SLC16A2: variants seen among roughly 807,000 people sequenced by gnomAD.
The protein encoded by SLC16A2 is solute carrier family 16 member 2, also known as monocarboxylate transporter 8.
SLC16A2 carries 3 observed loss-of-function variants against 27.2 expected under a neutral mutation model. That is an observed-to-expected ratio of 0.11 (90% CI 0.05 to 0.28). The LOEUF is 0.28. SLC16A2 is among the 10% of genes least tolerant of loss of function. SLC16A2 has a pLI of 1.00. For synonymous variants in SLC16A2, 202 were observed against 187.8 expected (o/e 1.08, Z -0.62); for missense variants, 295 against 458.5 (o/e 0.64, Z 3.26).
intron 1 of SLC16A2, among the ~76,000 whole-genome samples, chrX:74,442,373 C>G (rs772059732): frequency 9.0e-6 from 1 of 111,145 alleles, no homozygotes; most frequent in Admixed American, 9.6e-5. Context: ...AATCCAAAAC[C>G]ACTGTTCTTT....
chrX:74,482,944 ATCC>A (rs1929651211), intron 1 of SLC16A2, among the ~76,000 whole-genome samples: 2 of 111,803 alleles, frequency 1.8e-5, no homozygotes, highest in Admixed American at 9.5e-5. Context: ...GACTCAAGTG[ATCC>A]TCTTGCTTTG....
intron 1 of SLC16A2, among the ~76,000 whole-genome samples, chrX:74,472,718 A>T (rs1929380511): frequency 1.0e-5 from 1 of 97,729 alleles, no homozygotes; most frequent in Non-Finnish European, 2.0e-5. Flanking sequence ...AGACTATTAC[A>T]TTTAGCAATC....
chrX:74,475,705 G>C (rs1203798096), intron 1 of SLC16A2, among the ~76,000 whole-genome samples: 88 of 111,563 alleles, frequency 7.9e-4, no homozygotes, highest in Non-Finnish European at 1.2e-3. Flanking sequence ...ATATGGCTAG[G>C]CAGTTTTCCC....
intron 1 of SLC16A2, among the ~76,000 whole-genome samples, chrX:74,439,368 G>A (rs778038654): frequency 2.0e-5 from 2 of 100,188 alleles, no homozygotes; most frequent in Non-Finnish European, 4.0e-5. Context: ...GGAGTGCAGA[G>A]GTGTGATCAT....
At chrX:74,425,177 T>G (rs748576755) in intron 1 of SLC16A2, among the ~76,000 whole-genome samples, 1 of 111,883 alleles carries the variant, frequency 8.9e-6, no homozygotes, top group African/African-American at 3.2e-5. Flanking sequence ...CAGCTCCACA[T>G]CAGAGTGCCT....
At chrX:74,481,033 G>A (rs1460503155) in intron 1 of SLC16A2, among the ~76,000 whole-genome samples, 1 of 112,334 alleles carries the variant, frequency 8.9e-6, no homozygotes, top group Non-Finnish European at 1.9e-5. Flanking sequence ...GTATTACATT[G>A]GTTGATTATC....
At chrX:74,497,712 G>A (rs1343507925) in intron 1 of SLC16A2, among the ~76,000 whole-genome samples, 4 of 110,008 alleles carry the variant, frequency 3.6e-5, no homozygotes, top group African/African-American at 1.3e-4. Flanking sequence ...TGCTGATGCA[G>A]AGGGCCAAAA....
At chrX:74,467,552 C>T (rs892059923) in intron 1 of SLC16A2, among the ~76,000 whole-genome samples, 1 of 111,523 alleles carries the variant, frequency 9.0e-6, no homozygotes, top group African/African-American at 3.3e-5. Context: ...AGCTTGAAGG[C>T]TGTGCACATT....
At chrX:74,510,395 AC>A (rs910057376) in intron 1 of SLC16A2, among the ~76,000 whole-genome samples, 14 of 111,775 alleles carry the variant, frequency 1.3e-4, no homozygotes, top group Middle Eastern at 4.6e-3. Flanking sequence ...AAAAAAAAAA[AC>A]AAAACAAAAC....
intron 1 of SLC16A2, among the ~76,000 whole-genome samples, chrX:74,488,982 AT>A (rs775479320): frequency 2.5e-4 from 28 of 112,007 alleles, no homozygotes; most frequent in Middle Eastern, 4.8e-3. Context: ...CAGATACTTA[AT>A]ATTTATTAAT....
At chrX:74,427,257 G>A (rs1327837007) in intron 1 of SLC16A2, among the ~76,000 whole-genome samples, 2 of 111,998 alleles carry the variant, frequency 1.8e-5, no homozygotes, top group Non-Finnish European at 3.8e-5. Context: ...ATTCCTAAAT[G>A]AGGTTCCCTT....
intron 1 of SLC16A2, among the ~76,000 whole-genome samples, chrX:74,472,614 T>C (rs1452759842): frequency 3.6e-5 from 4 of 111,523 alleles, no homozygotes; most frequent in Non-Finnish European, 7.5e-5. Flanking sequence ...TTGTAGTAGA[T>C]GTGAAATTAG....
At chrX:74,443,233 G>A (rs944758545) in intron 1 of SLC16A2, among the ~76,000 whole-genome samples, 12 of 111,175 alleles carry the variant, frequency 1.1e-4, no homozygotes, top group Admixed American at 1.9e-4. Context: ...AGTATTCACA[G>A]TAGATCCAGG....
At chrX:74,476,711 C>T (rs1169888158) in intron 1 of SLC16A2, among the ~76,000 whole-genome samples, 1 of 111,859 alleles carries the variant, frequency 8.9e-6, no homozygotes, top group Non-Finnish European at 1.9e-5. Context: ...TTGTCAAAGG[C>T]CTTTTCTGCA....
chrX:74,446,153 C>T lies in SLC16A2; in HGVS notation c.430+24086C>T, dbSNP rs372136907. On this transcript the variant is annotated intron_variant, in intron 1 of 5. Coordinates refer to ENST00000587091, the MANE Select transcript of SLC16A2 (RefSeq NM_006517.5). ...CCCCTCCTCTTCCCCTGGGACCAAT[C>T]AGATTTCTGAGCTCCAGGGTAGAGC... is the stretch of plus-strand genomic sequence containing the variant. Among the ~76,000 whole-genome samples the T allele has an allele frequency of 1.3e-4, 14 of 110,859 alleles. No individual in the cohort carries two copies. The East Asian group carries it at 4.0e-3, about 32-fold the overall frequency.
chrX:74,513,757 G>A (rs1248838402), intron 1 of SLC16A2, among the ~76,000 whole-genome samples: 1 of 111,137 alleles, frequency 9.0e-6, no homozygotes, highest in Non-Finnish European at 1.9e-5. Flanking sequence ...TGGAGTTTCT[G>A]ACTTCTCTGA....
chrX:74,452,758 T>A (rs1465797367), intron 1 of SLC16A2, among the ~76,000 whole-genome samples: 1 of 111,169 alleles, frequency 9.0e-6, no homozygotes, highest in Non-Finnish European at 1.9e-5. Context: ...GTCCTCAGCC[T>A]ACAGTTCACT....
intron 1 of SLC16A2, among the ~76,000 whole-genome samples, chrX:74,486,816 CAA>C (rs1230337841): frequency 8.9e-6 from 1 of 111,798 alleles, no homozygotes; most frequent in Non-Finnish European, 1.9e-5. Context: ...TTCACAATAG[CAA>C]AGACTTGGAA....
intron 1 of SLC16A2, among the ~76,000 whole-genome samples, chrX:74,479,274 A>G (rs1929561186): frequency 8.9e-6 from 1 of 112,027 alleles, no homozygotes; most frequent in Admixed American, 9.4e-5. Context: ...AGTTGATCGA[A>G]TTGGCTACTG....
Sources: allele counts gnomAD v4.1 joint callset (sites outside exome capture counted in the v4.1 genomes callset), GRCh38; gene constraint gnomAD v4.1.1; transcripts MANE v1.5; gene names NCBI Gene and HGNC (gene_info 2026-07-23, HGNC 2026-07-21).